The following SMC4 variants were observed in gnomAD, a reference collection of about 807,000 sequenced individuals.
SMC4 encodes structural maintenance of chromosomes protein 4.
In SMC4, 87 loss-of-function variants were observed where a neutral mutation model predicts 145.6. The ratio of observed to expected loss-of-function variants is 0.60; its 90% confidence interval spans 0.50 to 0.71. The LOEUF (loss-of-function observed/expected upper bound fraction) is 0.71, where lower values mean the gene tolerates loss of function less well. Ranked by LOEUF, SMC4 falls within the 30% of genes least tolerant of loss-of-function variation. The pLI, the probability that SMC4 is intolerant of heterozygous loss-of-function variation, is 0.00. For missense variants in SMC4, 1,447 were observed against 1,537.1 expected, an observed-to-expected ratio of 0.94 and a Z score of 0.98; for synonymous variants, 558 against 500.7, an observed-to-expected ratio of 1.11 and a Z score of -1.53.
intron 10 of SMC4, 22 bp from the exon 11 acceptor site, chr3:160,417,701 T>A: frequency 6.4e-7 from 1 of 1,558,400 alleles, no homozygotes; most frequent in Non-Finnish European, 8.8e-7. Flanking sequence ...TGTCCAGATT[T>A]AATGAACTCA....
Position 160,433,082 on chromosome 3 carries a change from A to G in SMC4, c.3587A>G (p.Lys1196Arg), listed in dbSNP as rs751095665. 6.2e-7 allele frequency: 1 copy of G among 1,613,624 alleles called. No individual in the cohort carries two copies. Among genetic ancestry groups the G allele is most frequent in the Admixed American group, 1.7e-5 (1 of 59,986 alleles). The change falls in exon 23 of 24, where the codon AAA becomes AGA. Residue 1196 changes from lysine to arginine, a missense_variant. Physicochemically the swap from Lys to Arg is conservative, Grantham distance 26 (BLOSUM62 2). Transcript: ENST00000357388. ...KKIFNLSGGE[K>R]TLSSLALVFA... Reference sequence around the variant, plus strand: ...ATCTTCAACCTTTCGGGAGGAGAGAAAACACTTAGTTCATTGGCTTTAGTA... The same window carrying G: ...ATCTTCAACCTTTCGGGAGGAGAGAGAACACTTAGTTCATTGGCTTTAGTA...
At chr3:160,422,279 A>C (rs1717266139) in intron 13 of SMC4, among the ~76,000 whole-genome samples, 1 of 152,228 alleles carries the variant, frequency 6.6e-6, no homozygotes, top group Non-Finnish European at 1.5e-5. Flanking sequence ...AGAACTGTCA[A>C]GATTGTTTCC....
Position 160,416,241 on chromosome 3 carries a change from A to G in SMC4, c.1273-10A>G, listed in dbSNP as rs1380377873. ...GATGTATGCTCCTATAACTTGTTTTATAATCTCAGGTTGAAGAATTTAAAA... is the reference window on the plus strand; with the variant it reads ...GATGTATGCTCCTATAACTTGTTTTGTAATCTCAGGTTGAAGAATTTAAAA... On this transcript the variant is annotated splice_polypyrimidine_tract_variant and intron_variant, in intron 9 of 23. Transcript: ENST00000357388. The G allele has an allele frequency of 3.2e-6, 5 of 1,569,734 alleles. No homozygotes were observed. Among genetic ancestry groups the G allele is most frequent in the Non-Finnish European group, 4.3e-6 (5 of 1,160,642 alleles).
At chr3:160,423,357 TTG>T (rs377046074) in intron 13 of SMC4, 66 bp from the exon 14 acceptor site, 11,789 of 763,832 alleles carry the variant, frequency 0.015, 363 homozygotes, top group African/African-American at 0.048. Flanking sequence ...GGGTTTTTTT[TTG>T]TTTTTTTTTT....
chr3:160,409,265 CAAAAAAAAAAA>C (rs10547167), intron 5 of SMC4, among the ~76,000 whole-genome samples: 27 of 61,976 alleles, frequency 4.4e-4, no homozygotes, highest in East Asian at 2.6e-3. Flanking sequence ...AACTCCGTCT[CAAAAAAAAAAA>C]AAAAAAAAAA....
rs147131302 is a variant in SMC4, at chr3:160,402,693, C to A, written c.336C>A (p.Ile112=). 1 of 1,606,690 alleles carries A rather than the reference C, an allele frequency of 6.2e-7. No individual in the cohort carries two copies. Among genetic ancestry groups the A allele is most frequent in the African/African-American group, 1.3e-5 (1 of 74,312 alleles). ...GPFHKRFSCI[I]GPNGSGKSNV... is the part of the protein sequence containing the mutation. ...TAATGCAGCGCTTTTCCTGTATTATCGGGCCAAATGGCAGTGGCAAATCCA... is the reference window on the plus strand; with the variant it reads ...TAATGCAGCGCTTTTCCTGTATTATAGGGCCAAATGGCAGTGGCAAATCCA... The change falls in exon 4 of 24, where the codon ATC becomes ATA. Residue 112 remains isoleucine, a synonymous_variant. Transcript: ENST00000357388.
chr3:160,428,854 C>T lies in SMC4; in HGVS notation c.2707C>T (p.Gln903Ter). The T allele has an allele frequency of 1.2e-6, 2 of 1,606,326 alleles. No individual in the cohort carries two copies. The highest frequency in any genetic ancestry group is 1.7e-6 in the Non-Finnish European group (2 of 1,178,390). The change falls in exon 18 of 24, where the codon CAA becomes TAA. Residue 903 changes from glutamine to a stop codon, truncating the protein, a stop_gained. Coordinates refer to ENST00000357388, the MANE Select transcript of SMC4 (RefSeq NM_001002800.3). LOFTEE classifies it high-confidence loss of function. ...EINNHKLKAQ[Q>*]DKLDKINKQL... ...CAATAATCATAAACTCAAGGCCCAA[C>T]AAGACAAACTTGATAAAATAAATAA...
intron 10 of SMC4, 179 bp from the exon 11 acceptor site, chr3:160,417,544 A>G: frequency 1.7e-6 from 1 of 597,906 alleles, no homozygotes; most frequent in Non-Finnish European, 2.9e-6. Flanking sequence ...GACTATGTAC[A>G]GTGAATATTG....
intron 7 of SMC4, chr3:160,412,959 G>C: frequency 3.9e-6 from 1 of 255,826 alleles, no homozygotes; most frequent in Non-Finnish European, 6.2e-6. Flanking sequence ...ACTGTTTTTT[G>C]AGATGGGCTG....
At chr3:160,408,248 G>T (rs9968151) in intron 5 of SMC4, among the ~76,000 whole-genome samples, 78,891 of 152,014 alleles carry the variant, frequency 0.52, 20,892 homozygotes, top group Non-Finnish European at 0.54. Flanking sequence ...TTCTGTAGTT[G>T]ATGCTTGCTA....
chr3:160,433,842 G>GAA lies in SMC4; in HGVS notation c.*33_*34insAA. On this transcript the variant is annotated 3_prime_UTR_variant, in exon 24 of 24. Transcript: ENST00000357388. ...GCTGAAGATTCTTCAAGTTGATTCA[G>GAA]TGTATTACTGATTTTTTTCTATTTG... The GAA allele has an allele frequency of 2.0e-6, 3 of 1,529,472 alleles. No homozygotes were observed. Among genetic ancestry groups the GAA allele is most frequent in the Non-Finnish European group, 2.7e-6 (3 of 1,124,728 alleles). The allele number at this position is 1,529,472 out of a possible 1,614,324, so 94.7% of individuals were successfully genotyped here. A position where few individuals can be genotyped will look rare whatever the true frequency, so the allele number is the denominator to read the frequency against.
chr3:160,403,918 G>A (rs1319315131), intron 4 of SMC4: 1 of 161,408 alleles, frequency 6.2e-6, no homozygotes, highest in Non-Finnish European at 1.3e-5. Context: ...GTATCACCCG[G>A]TTACTACCTT....
chr3:160,430,934 G>A, intron 19 of SMC4, 98 bp from the exon 20 acceptor site: 2 of 1,287,046 alleles, frequency 1.6e-6, no homozygotes, highest in Non-Finnish European at 2.2e-6. Context: ...TAAAATGGAA[G>A]GGGCATGAGG....
chr3:160,420,921 T>G lies in SMC4; in HGVS notation c.2019+20T>G. On this transcript the variant is annotated intron_variant, in intron 13 of 23. Transcript: ENST00000357388. ...GATAAGGTGGGTATTCGTAATAACC[T>G]ACCTATAATTGGAATTTTTTTTTTT... 1 of 1,573,352 alleles carries G rather than the reference T, an allele frequency of 6.4e-7. No homozygotes were observed. Among genetic ancestry groups the G allele is most frequent in the South Asian group, 1.2e-5 (1 of 85,432 alleles).
At chr3:160,427,094 G>T (rs1207649311) in intron 17 of SMC4, among the ~76,000 whole-genome samples, 1 of 152,142 alleles carries the variant, frequency 6.6e-6, no homozygotes, top group Non-Finnish European at 1.5e-5. Context: ...TATCAAATGT[G>T]CATTTATATT....
rs747084756 is a variant in SMC4, at chr3:160,414,289, A to G, written c.1122-78A>G. ...AGAGCCTGGACATATTTATAGAGGA[A>G]GTGTTCCAGGTAGGAAATGTGGTTT... is the stretch of plus-strand genomic sequence containing the variant. On this transcript the variant is annotated intron_variant, in intron 8 of 23. Transcript: ENST00000357388. 3 of 1,149,830 alleles carry G rather than the reference A, an allele frequency of 2.6e-6. No homozygotes were observed. The South Asian group carries it at 3.7e-5, about 14-fold the overall frequency. The allele number at this position is 1,149,830 out of a possible 1,614,324, so 71.2% of individuals were successfully genotyped here. A position where few individuals can be genotyped will look rare whatever the true frequency, so the allele number is the denominator to read the frequency against.
chr3:160,404,696 G>A (rs372765795), intron 5 of SMC4, 192 bp downstream of exon 5: 55 of 732,254 alleles, frequency 7.5e-5, no homozygotes, highest in Non-Finnish European at 1.2e-4. Context: ...TCAAAACTAT[G>A]TTTTCATCAT....
At chr3:160,418,229 T>A (rs1397898528) in intron 11 of SMC4, among the ~76,000 whole-genome samples, 1 of 152,184 alleles carries the variant, frequency 6.6e-6, no homozygotes. Context: ...TGTGTTTCTT[T>A]AAATCTTAAG....
In SMC4 at chr3:160,401,803, C is replaced by T. The variant is rs1714696843; in HGVS notation, c.140-112C>T. On this transcript the variant is annotated intron_variant, in intron 2 of 23. Coordinates refer to ENST00000357388, the MANE Select transcript of SMC4 (RefSeq NM_001002800.3). Reference sequence around the variant, plus strand: ...CTCCTAAGTTTCATAAATAACATCCCTCCATCCCCTACTTTAAAGATGGGC... The same window carrying T: ...CTCCTAAGTTTCATAAATAACATCCTTCCATCCCCTACTTTAAAGATGGGC... 7.8e-6 allele frequency: 6 copies of T among 764,954 alleles called. No individual in the cohort carries two copies. In the Admixed American group the frequency reaches 1.5e-4, roughly 19 times the overall value. The allele number at this position is 764,954 out of a possible 1,614,324, so 47.4% of individuals were successfully genotyped here.
Sources: allele counts gnomAD v4.1 joint callset (sites outside exome capture counted in the v4.1 genomes callset), GRCh38; gene constraint gnomAD v4.1.1; transcripts MANE v1.5; gene names NCBI Gene and HGNC (gene_info 2026-07-23, HGNC 2026-07-21).